Variants in SETD7 observed in about 807,000 individuals in gnomAD.
SETD7 encodes SET domain containing 7, histone lysine methyltransferase.
A neutral mutation model predicts 41.8 loss-of-function variants in SETD7; 16 were observed. That is an observed-to-expected ratio of 0.38 (90% CI 0.26 to 0.58). The LOEUF (loss-of-function observed/expected upper bound fraction) is 0.58, where lower values mean the gene tolerates loss of function less well. Ranked by LOEUF, SETD7 falls within the 20% of genes least tolerant of loss-of-function variation. SETD7 has a pLI of 0.64. For missense variants in SETD7, 346 were observed against 459.7 expected, an observed-to-expected ratio of 0.75 and a Z score of 2.26; for synonymous variants, 163 against 169.7, an observed-to-expected ratio of 0.96 and a Z score of 0.31.
At chr4:139,549,924 C>T (rs1349463795) in intron 1 of SETD7, among the ~76,000 whole-genome samples, 1 of 152,066 alleles carries the variant, frequency 6.6e-6, no homozygotes, top group Non-Finnish European at 1.5e-5. Flanking sequence ...ATTACAGGCA[C>T]CTGCCACCAA....
chr4:139,517,214 C>A (rs781466272), intron 7 of SETD7, among the ~76,000 whole-genome samples: 1 of 152,158 alleles, frequency 6.6e-6, no homozygotes, highest in Non-Finnish European at 1.5e-5. Context: ...GTGGCTCACG[C>A]CTGTAATCCC....
chr4:139,512,316 G>A (rs573934135), intron 7 of SETD7, among the ~76,000 whole-genome samples: 3 of 152,278 alleles, frequency 2.0e-5, no homozygotes, highest in Admixed American at 6.5e-5. Flanking sequence ...GTAAGAAAGA[G>A]CCCTGTGGAT....
downstream of SETD7, among the ~76,000 whole-genome samples, chr4:139,501,663 C>T (rs1726579583): frequency 6.6e-6 from 1 of 152,178 alleles, no homozygotes; most frequent in Admixed American, 6.5e-5. Flanking sequence ...TTCAGTCACT[C>T]CCACATCACA....
chr4:139,543,912 C>T (rs950565883), intron 2 of SETD7, among the ~76,000 whole-genome samples: 5 of 151,968 alleles, frequency 3.3e-5, no homozygotes, highest in African/African-American at 1.2e-4. Context: ...TGCAGTGAGC[C>T]GAGATCGCGC....
intron 3 of SETD7, among the ~76,000 whole-genome samples, chr4:139,532,187 A>G (rs944300746): frequency 6.6e-6 from 1 of 152,242 alleles, no homozygotes; most frequent in African/African-American, 2.4e-5. Flanking sequence ...CATGCCTGTA[A>G]TTTCAGCATT....
At chr4:139,550,330 T>C (rs1728075385) in intron 1 of SETD7, among the ~76,000 whole-genome samples, 2 of 152,210 alleles carry the variant, frequency 1.3e-5, no homozygotes, top group South Asian at 2.1e-4. Context: ...CTCCCTATCA[T>C]TCTGAAGGCT....
chr4:139,503,388 A>G (rs58898126), downstream of SETD7, among the ~76,000 whole-genome samples: 839 of 152,074 alleles, frequency 5.5e-3, 6 homozygotes, highest in African/African-American at 0.019. Context: ...TATGGTTAGG[A>G]GAGCAGCAAG....
intron 4 of SETD7, among the ~76,000 whole-genome samples, chr4:139,527,319 C>T (rs985014190): frequency 2.6e-5 from 4 of 152,072 alleles, no homozygotes; most frequent in East Asian, 3.8e-4. Flanking sequence ...TATGAGAGTC[C>T]GAGGCAGGAA....
rs115824366 is a variant in SETD7 at position 139,518,769 on chromosome 4, T to C, written c.763-727A>G. Among the ~76,000 whole-genome samples the C allele has an allele frequency of 4.1e-3, 619 of 152,326 alleles. 7 individuals are homozygous for C. The highest frequency in any genetic ancestry group is 0.014 in the African/African-American group (583 of 41,576). On this transcript the variant is annotated intron_variant, in intron 6 of 7. Coordinates refer to ENST00000274031, the MANE Select transcript of SETD7 (RefSeq NM_030648.4). The stretch of plus-strand genomic sequence containing the variant: ...CTTTGTTACAGGTGGGAAATCACTG[T>C]GACCAGGAGGCAGCCATCGATTACC...
intron 2 of SETD7, among the ~76,000 whole-genome samples, chr4:139,540,283 T>A (rs576421754): frequency 6.6e-6 from 1 of 152,172 alleles, no homozygotes; most frequent in Non-Finnish European, 1.5e-5. Flanking sequence ...CTGTCAATCT[T>A]CCAAGCTCTT....
chr4:139,519,467 A>G (rs1189091434), intron 6 of SETD7, among the ~76,000 whole-genome samples: 1 of 152,268 alleles, frequency 6.6e-6, no homozygotes, highest in Non-Finnish European at 1.5e-5. Flanking sequence ...GATTGCTGAC[A>G]GAAGTCTGGC....
chr4:139,515,316 G>A (rs1474610985), intron 7 of SETD7, among the ~76,000 whole-genome samples: 1 of 152,112 alleles, frequency 6.6e-6, no homozygotes, highest in Non-Finnish European at 1.5e-5. Flanking sequence ...TGGTCACCCT[G>A]GGCTTGCTTG....
intron 5 of SETD7, among the ~76,000 whole-genome samples, chr4:139,522,597 T>C (rs778837514): frequency 2.0e-5 from 3 of 152,102 alleles, no homozygotes; most frequent in Non-Finnish European, 2.9e-5. Flanking sequence ...TGGTCTAAGA[T>C]GAAATGGAGG....
chr4:139,535,696 A>G (rs1727619283), intron 2 of SETD7, among the ~76,000 whole-genome samples: 1 of 152,182 alleles, frequency 6.6e-6, no homozygotes, highest in African/African-American at 2.4e-5. Context: ...CAACTGACTC[A>G]AAGTACACAA....
At chr4:139,544,863 T>C (rs1316388670) in intron 2 of SETD7, among the ~76,000 whole-genome samples, 1 of 149,956 alleles carries the variant, frequency 6.7e-6, no homozygotes, top group Non-Finnish European at 1.5e-5. Context: ...GGGGGTGTTC[T>C]GGGTGAATTC....
At chr4:139,540,230 G>A (rs1178821708) in intron 2 of SETD7, among the ~76,000 whole-genome samples, 1 of 152,146 alleles carries the variant, frequency 6.6e-6, no homozygotes, top group African/African-American at 2.4e-5. Context: ...AGGCCAAATA[G>A]CTAGAACAGA....
intron 2 of SETD7, among the ~76,000 whole-genome samples, chr4:139,542,552 T>C (rs1727808132): frequency 1.3e-5 from 2 of 152,198 alleles, no homozygotes; most frequent in Non-Finnish European, 2.9e-5. Flanking sequence ...ACTTTAAAAA[T>C]GCCTATTTCT....
At chr4:139,528,993 G>A in intron 4 of SETD7, 38 bp downstream of exon 4, 2 of 1,570,892 alleles carry the variant, frequency 1.3e-6, no homozygotes, top group Non-Finnish European at 1.7e-6. Flanking sequence ...AACCTGCTTT[G>A]GAATTGGAGC....
chr4:139,538,847 T>C (rs1020192750), intron 2 of SETD7, among the ~76,000 whole-genome samples: 5 of 152,196 alleles, frequency 3.3e-5, no homozygotes, highest in East Asian at 3.8e-4. Context: ...CTGGAAAATG[T>C]TGAGGAAATT....
Sources: allele counts gnomAD v4.1 joint callset (sites outside exome capture counted in the v4.1 genomes callset), GRCh38; gene constraint gnomAD v4.1.1; transcripts MANE v1.5; gene names NCBI Gene and HGNC (gene_info 2026-07-23, HGNC 2026-07-21).